TRUB2: variants seen among roughly 807,000 people sequenced by gnomAD.
TRUB2 encodes pseudouridylate synthase TRUB2, mitochondrial.
In TRUB2, 31 loss-of-function variants were observed where a neutral mutation model predicts 31.9. The observed-to-expected ratio is 0.97, with a 90% CI of 0.73 to 1.31. TRUB2 has a LOEUF of 1.31. Among genes scored for constraint, TRUB2 ranks in the 50% most tolerant of loss-of-function variants. The pLI, the probability that TRUB2 is intolerant of heterozygous loss-of-function variation, is 0.00. For missense variants in TRUB2, 451 were observed against 439.6 expected, an observed-to-expected ratio of 1.03 and a Z score of -0.23; for synonymous variants, 201 against 182.6, an observed-to-expected ratio of 1.10 and a Z score of -0.81.
Position 128,309,860 on chromosome 9 carries a change from TG to T in TRUB2, c.685del (p.His229MetfsTer18). ...CTTCCGCAGCTCTTTCTGCGTCTCA[TG>T]CATGCACTGCACCTCTGCCAGGGAC... is the stretch of plus-strand genomic sequence containing the variant. ...PEFLLEVQCM[H>X]ETQKELRKLV... is the part of the protein sequence containing the mutation. On this transcript the variant is annotated frameshift_variant, in exon 8 of 8. Transcript: ENST00000372890. LOFTEE classifies it high-confidence loss of function. 6.2e-7 allele frequency: 1 copy of T among 1,613,750 alleles called. No homozygotes were observed. Among genetic ancestry groups the T allele is most frequent in the Non-Finnish European group, 8.5e-7 (1 of 1,179,736 alleles).
rs1407206134 is a variant in TRUB2 at position 128,321,770 on chromosome 9, A to C, written c.110-40T>G. The stretch of plus-strand genomic sequence containing the variant: ...ATAATATATACACACATACATACAA[A>C]TATATGTACATATAAAATATTTTTT... On this transcript the variant is annotated intron_variant, in intron 1 of 7. Transcript: ENST00000372890. 1.9e-6 allele frequency: 3 copies of C among 1,551,806 alleles called. No individual in the cohort carries two copies. In the South Asian group the frequency reaches 3.4e-5, roughly 18 times the overall value.
intron 2 of TRUB2, among the ~76,000 whole-genome samples, chr9:128,319,123 G>A (rs1042471534): frequency 4.0e-5 from 6 of 151,852 alleles, no homozygotes; most frequent in Admixed American, 6.6e-5. Flanking sequence ...TCAGGAGATC[G>A]AGACTATCCT....
At chr9:128,320,784 TCTCTAGATTAC>T (rs1025954814) in intron 2 of TRUB2, among the ~76,000 whole-genome samples, 4 of 151,916 alleles carry the variant, frequency 2.6e-5, no homozygotes, top group African/African-American at 9.7e-5. Flanking sequence ...TTTTAAATCA[TCTCTAGATTAC>T]CTTTTTTTTT....
rs544202663 is a variant in TRUB2, at chr9:128,321,979, T to C, written c.110-249A>G. ...TGTTCTGTCCAAACACTTGGGGGAT[T>C]AGACAACAGGGAAGTATGATGTAGA... On this transcript the variant is annotated intron_variant, in intron 1 of 7. Transcript: ENST00000372890. 3.3e-5 allele frequency among the ~76,000 whole-genome samples: 5 copies of C among 152,218 alleles called. No homozygotes were observed. The East Asian group carries it at 7.7e-4, about 24-fold the overall frequency.
chr9:128,317,484 G>C (rs772086462), intron 2 of TRUB2, among the ~76,000 whole-genome samples: 9 of 152,164 alleles, frequency 5.9e-5, no homozygotes, highest in Non-Finnish European at 1.0e-4. Flanking sequence ...GAAGACTGGC[G>C]TAACACTGAA....
rs778919928 is a variant in TRUB2, at chr9:128,309,877, T to C, written c.671-2A>G. On this transcript the variant is annotated splice_acceptor_variant, in intron 7 of 7. Coordinates refer to ENST00000372890, the MANE Select transcript of TRUB2 (RefSeq NM_015679.3). LOFTEE classifies it high-confidence loss of function. ...GCGTCTCATGCATGCACTGCACCTC[T>C]GCCAGGGACACACAATGACAGACAT... 20 of 1,612,152 alleles carry C rather than the reference T, an allele frequency of 1.2e-5. No homozygotes were observed. Among genetic ancestry groups the C allele is most frequent in the Non-Finnish European group, 1.6e-5 (19 of 1,178,728 alleles).
Position 128,317,185 on chromosome 9 carries a change from G to T in TRUB2, c.283C>A (p.His95Asn). 1.3e-6 allele frequency: 2 copies of T among 1,593,262 alleles called. No individual in the cohort carries two copies. The highest frequency in any genetic ancestry group is 1.7e-5 in the Admixed American group (1 of 57,900). ...CCAGAAGCCTGGGCATCCAACCGAT[G>T]TCCCACGCCAACCTTGAGATGGGCG... ...AFAHLKVGVG[H>N]RLDAQASGVL... Residue 95 changes from histidine (H) to asparagine (N), a missense_variant, in exon 3 of 8, where the codon CAT becomes AAT. Coordinates refer to ENST00000372890, the MANE Select transcript of TRUB2 (RefSeq NM_015679.3).
intron 1 of TRUB2, 95 bp from the exon 2 acceptor site, chr9:128,321,825 G>A (rs1832187044): frequency 1.5e-6 from 2 of 1,359,948 alleles, no homozygotes; most frequent in East Asian, 2.5e-5. Flanking sequence ...TGTAGCCCAG[G>A]CTGAAGTGCA....
chr9:128,312,815 T>C (rs1831996424), intron 5 of TRUB2, among the ~76,000 whole-genome samples: 2 of 151,896 alleles, frequency 1.3e-5, no homozygotes, highest in South Asian at 4.2e-4. Flanking sequence ...GGTTTTACCA[T>C]ATCAGCCAGG....
chr9:128,320,620 C>T lies in TRUB2; in HGVS notation c.241+979G>A, dbSNP rs574545874. Among the ~76,000 whole-genome samples the T allele has an allele frequency of 4.0e-4, 61 of 152,214 alleles. No homozygotes were observed. In the South Asian group the frequency reaches 8.5e-3, roughly 21 times the overall value. Reference sequence around the variant, plus strand: ...GTGCTGGGATTACAGGTGTGAGCCACTGCACCCGGCCTTTTGTATTCTCTT... The same window carrying T: ...GTGCTGGGATTACAGGTGTGAGCCATTGCACCCGGCCTTTTGTATTCTCTT... On this transcript the variant is annotated intron_variant, in intron 2 of 7. Transcript: ENST00000372890.
At chr9:128,319,280 C>G (rs1385015521) in intron 2 of TRUB2, among the ~76,000 whole-genome samples, 1 of 150,096 alleles carries the variant, frequency 6.7e-6, no homozygotes, top group East Asian at 2.0e-4. Flanking sequence ...GAGCCGAGAT[C>G]GTGCCACTGC....
intron 3 of TRUB2, 142 bp downstream of exon 3, chr9:128,317,010 G>T: frequency 4.3e-6 from 3 of 694,554 alleles, no homozygotes; most frequent in Admixed American, 2.8e-5. Context: ...CTCCCCAGCT[G>T]ATCAGCCTTG....
intron 3 of TRUB2, 49 bp from the exon 4 acceptor site, chr9:128,315,677 C>T: frequency 1.3e-6 from 2 of 1,581,678 alleles, no homozygotes; most frequent in South Asian, 2.3e-5. Context: ...CTTCCCATTC[C>T]CCTAAGTATC....
At position 128,321,651 on chromosome 9, in the gene TRUB2, C is replaced by T. The variant is rs372455218; in HGVS notation, c.189G>A (p.Lys63=). 79 of 1,614,044 alleles carry T rather than the reference C, an allele frequency of 4.9e-5. No individual in the cohort carries two copies. The highest frequency in any genetic ancestry group is 6.4e-5 in the Non-Finnish European group (76 of 1,180,026). The change falls in exon 2 of 8, where the codon AAG becomes AAA. Residue 63 remains lysine (K), a synonymous_variant. Transcript: ENST00000372890. ...LLGPMEGSEE[K]ELTLTATSVP... is the part of the protein sequence containing the mutation. The stretch of plus-strand genomic sequence containing the variant: ...CGCTGGTGGCTGTGAGGGTCAGCTC[C>T]TTCTCTTCGCTGCCTTCCATGGGGC...
intron 1 of TRUB2, 136 bp downstream of exon 1, chr9:128,322,164 A>G: frequency 1.5e-6 from 1 of 673,376 alleles, no homozygotes; most frequent in South Asian, 1.8e-5. Flanking sequence ...AAGAAAGCAC[A>G]GAGAACAGGC....
chr9:128,318,504 T>G (rs1832105812), intron 2 of TRUB2, among the ~76,000 whole-genome samples: 1 of 150,366 alleles, frequency 6.7e-6, no homozygotes, highest in South Asian at 2.1e-4. Flanking sequence ...TGAAGACTGT[T>G]TTTTTTTTGT....
Position 128,315,592 on chromosome 9 carries a change from T to G in TRUB2, c.353A>C (p.Asp118Ala), listed in dbSNP as rs1379651647. The change falls in exon 4 of 8, where the codon GAT becomes GCT. Residue 118 changes from aspartate (D) to alanine (A), a missense_variant. Physicochemically the swap from Asp to Ala is moderately radical, Grantham distance 126. Transcript: ENST00000372890. ...CTTGGTAAGATGAGCATTGTACATA[T>G]CGGTGAGGAGCCTGCATCCATGTCC... ...GVGHGCRLLT[D>A]MYNAHLTKDY... 1 of 1,613,638 alleles carries G rather than the reference T, an allele frequency of 6.2e-7. No individual in the cohort carries two copies. Among genetic ancestry groups the G allele is most frequent in the Admixed American group, 1.7e-5 (1 of 59,948 alleles).
At position 128,313,740 on chromosome 9, in the gene TRUB2, A is replaced by C. The variant is rs1041312648; in HGVS notation, c.460+68T>G. 13 of 1,442,308 alleles carry C rather than the reference A, an allele frequency of 9.0e-6. No individual in the cohort carries two copies. The African/African-American group carries it at 1.7e-4, about 19-fold the overall frequency. 89.3% of individuals were successfully genotyped at this position (1,442,308 alleles called of 1,614,324 possible). A position where few individuals can be genotyped will look rare whatever the true frequency, so the allele number is the denominator to read the frequency against. The stretch of plus-strand genomic sequence containing the variant: ...AACTGAGAAGGGGCCAGCGTGGCCT[A>C]GGGCGGGGAGAGGACTCAGGGAAAG... On this transcript the variant is annotated intron_variant, in intron 5 of 7. Coordinates refer to ENST00000372890, the MANE Select transcript of TRUB2 (RefSeq NM_015679.3).
At chr9:128,312,357 C>T (rs1831986406) in intron 5 of TRUB2, among the ~76,000 whole-genome samples, 1 of 151,476 alleles carries the variant, frequency 6.6e-6, no homozygotes, top group Non-Finnish European at 1.5e-5. Flanking sequence ...AGGCTGGTCT[C>T]GAACTCCTGA....
Sources: gnomAD v4.1 joint callset for allele counts (sites outside exome capture counted in the v4.1 genomes callset) on GRCh38, gnomAD v4.1.1 for gene constraint, MANE v1.5 for transcripts, NCBI Gene and HGNC (gene_info 2026-07-23, HGNC 2026-07-21) for gene names.